Variants in CACNA1B observed in about 807,000 individuals in gnomAD.
CACNA1B encodes calcium voltage-gated channel subunit alpha1 B, also known as voltage-dependent N-type calcium channel subunit alpha-1B.
A neutral mutation model predicts 247.2 loss-of-function variants in CACNA1B; 70 were observed. That is an observed-to-expected ratio of 0.28 (90% CI 0.23 to 0.35). The LOEUF (loss-of-function observed/expected upper bound fraction) is 0.35, where lower values mean the gene tolerates loss of function less well. Among genes scored for constraint, CACNA1B ranks in the 10% least tolerant of loss-of-function variants. The pLI is 1.00. For synonymous variants in CACNA1B, 1,231 were observed against 1,294.4 expected (o/e 0.95, Z 1.05); for missense variants, 2,367 against 3,197.4 (o/e 0.74, Z 6.26).
At chr9:138,017,000 C>G (rs917983507) in intron 18 of CACNA1B, 1 of 414,916 alleles carries the variant, frequency 2.4e-6, no homozygotes, top group Non-Finnish European at 5.0e-6. Flanking sequence ...GCCCGTCTGA[C>G]GGACGCGTCT....
Position 137,882,872 on chromosome 9 carries a change from C to T in CACNA1B, c.519C>T (p.Val173=), listed in dbSNP as rs201010988. 20 of 1,613,656 alleles carry T rather than the reference C, an allele frequency of 1.2e-5. No homozygotes were observed. The highest frequency in any genetic ancestry group is 1.6e-4 in the Middle Eastern group (1 of 6,082). The change falls in exon 3 of 47, where the codon GTC becomes GTT. Residue 173 remains valine (V), a synonymous_variant. Transcript: ENST00000371372. This position sits in a 1 kb window ranked among gnomAD's most constrained non-coding sequence, Gnocchi z 4.0. ...RNGWNVMDFV[V]VLTGILATAG... is the part of the protein sequence containing the mutation. ...GCTGGAACGTCATGGACTTCGTGGT[C>T]GTCCTCACAGGGTAGGCAAGCTGAG... is the stretch of plus-strand genomic sequence containing the variant.
chr9:137,951,254 CAG>C lies in CACNA1B; in HGVS notation c.967-1019_967-1018del, dbSNP rs147669074. Among the ~76,000 whole-genome samples, 1,115 of 152,368 alleles carry C rather than the reference CAG, an allele frequency of 7.3e-3. 6 individuals carry two copies. Among genetic ancestry groups the C allele is most frequent in the Non-Finnish European group, 0.013 (891 of 68,028 alleles). Reference sequence around the variant, plus strand: ...CTTCTGGTTTCGGATCCAGGAATCTCAGGGGCCAGCCTGGAATCAGTGTCCAA... The same window carrying C: ...CTTCTGGTTTCGGATCCAGGAATCTCGGGCCAGCCTGGAATCAGTGTCCAA... On this transcript the variant is annotated intron_variant, in intron 6 of 46. Coordinates refer to ENST00000371372, the MANE Select transcript of CACNA1B (RefSeq NM_000718.4).
intron 36 of CACNA1B, among the ~76,000 whole-genome samples, chr9:138,088,959 C>CAATAA (rs1960790927): frequency 1.6e-5 from 1 of 61,396 alleles, no homozygotes; most frequent in Non-Finnish European, 3.4e-5. Context: ...AACTCCGTCT[C>CAATAA]AAAAAAAAAA....
intron 10 of CACNA1B, among the ~76,000 whole-genome samples, chr9:137,960,233 C>T (rs1386214077): frequency 1.7e-5 from 2 of 120,022 alleles, no homozygotes; most frequent in Non-Finnish European, 1.7e-5. Context: ...GGAGGGAAGC[C>T]GGGAGAGGGG....
intron 36 of CACNA1B, among the ~76,000 whole-genome samples, chr9:138,086,653 A>G (rs1223334123): frequency 6.6e-6 from 1 of 151,472 alleles, no homozygotes; most frequent in Non-Finnish European, 1.5e-5. Flanking sequence ...GCACCCAGAC[A>G]TACAAAACAA....
chr9:137,927,451 G>A (rs914502468), intron 6 of CACNA1B, among the ~76,000 whole-genome samples: 23 of 152,056 alleles, frequency 1.5e-4, no homozygotes, highest in South Asian at 2.1e-4. Context: ...TTGAACTCCC[G>A]ACCTCAGGTG....
rs906154185 is a variant in CACNA1B at position 138,072,931 on chromosome 9, G to T, written c.4675-557G>T. On this transcript the variant is annotated intron_variant, in intron 32 of 46. Coordinates refer to ENST00000371372, the MANE Select transcript of CACNA1B (RefSeq NM_000718.4). The surrounding 1 kb of genome is among the most constrained non-coding windows in gnomAD (Gnocchi z 4.5). ...TACCTTCCATAACTTGTCTGCACAC[G>T]CCTGGAGCAGCCTCAGAGGAAGTGT... is the stretch of plus-strand genomic sequence containing the variant. Among the ~76,000 whole-genome samples, 1 of 152,242 alleles carries T rather than the reference G, an allele frequency of 6.6e-6. No homozygotes were observed. Among genetic ancestry groups the T allele is most frequent in the Non-Finnish European group, 1.5e-5 (1 of 68,042 alleles).
chr9:138,061,877 G>A (rs1183245991), intron 31 of CACNA1B, among the ~76,000 whole-genome samples: 2 of 152,212 alleles, frequency 1.3e-5, no homozygotes, highest in Admixed American at 6.5e-5. Context: ...GTTCATTCCC[G>A]GTAGATAATC....
chr9:137,984,871 T>C (rs1292441462), intron 13 of CACNA1B, among the ~76,000 whole-genome samples: 1 of 152,224 alleles, frequency 6.6e-6, no homozygotes, highest in Non-Finnish European at 1.5e-5. Flanking sequence ...AAGTGACAGA[T>C]GCAGGTAGTG....
At position 137,957,645 on chromosome 9, in the gene CACNA1B, G is replaced by A. The variant is rs377394694; in HGVS notation, c.1291G>A (p.Ala431Thr). The A allele has an allele frequency of 5.0e-6, 8 of 1,603,450 alleles. No individual in the cohort carries two copies. Among genetic ancestry groups the A allele is most frequent in the East Asian group, 4.5e-5 (2 of 44,494 alleles). ...GAAGAGCAGAAATGACCTGATCCAC[G>A]CAGAGGAGGGAGAGGACCGGTTTGC... ...TKKSRNDLIHAEEGEDRFADL... is the reference protein window; with the variant it reads ...TKKSRNDLIHTEEGEDRFADL... Residue 431 changes from alanine (A) to threonine (T), a missense_variant, in exon 10 of 47, where the codon GCA becomes ACA. Ala to Thr is a moderately conservative substitution (Grantham distance 58). Coordinates refer to ENST00000371372, the MANE Select transcript of CACNA1B (RefSeq NM_000718.4). The surrounding 1 kb of genome is among the most constrained non-coding windows in gnomAD (Gnocchi z 4.7).
intron 15 of CACNA1B, among the ~76,000 whole-genome samples, chr9:137,993,222 A>G (rs942413029): frequency 6.6e-6 from 1 of 152,184 alleles, no homozygotes; most frequent in African/African-American, 2.4e-5. Context: ...AAAAAAAATT[A>G]CAAAAGATAA....
chr9:138,123,405 G>T lies in CACNA1B; in HGVS notation c.*1406G>T, dbSNP rs539063599. ...AGACCATGCTCAGGACACTGTCCAAGGTGCACAAGATGCTGGGAGGTCCCT... is the reference window on the plus strand; with the variant it reads ...AGACCATGCTCAGGACACTGTCCAATGTGCACAAGATGCTGGGAGGTCCCT... On this transcript the variant is annotated 3_prime_UTR_variant, in exon 47 of 47. Transcript: ENST00000371372. The T allele has an allele frequency of 3.9e-5, 6 of 152,508 alleles. No homozygotes were observed. The highest frequency in any genetic ancestry group is 1.4e-4 in the African/African-American group (6 of 41,608). 9.4% of individuals were successfully genotyped at this position (152,508 alleles called of 1,614,324 possible).
chr9:138,017,006 C>T, intron 18 of CACNA1B: 4 of 426,882 alleles, frequency 9.4e-6, no homozygotes, highest in South Asian at 4.9e-5. Flanking sequence ...CTGACGGACG[C>T]GTCTGCGGCC....
chr9:138,075,280 C>T (rs528273389), intron 34 of CACNA1B, among the ~76,000 whole-genome samples: 3 of 152,280 alleles, frequency 2.0e-5, no homozygotes, highest in African/African-American at 4.8e-5. Flanking sequence ...AGAGCACATA[C>T]GTTACTGATC....
At chr9:137,884,234 C>T (rs1444244788) in intron 3 of CACNA1B, among the ~76,000 whole-genome samples, 6 of 152,174 alleles carry the variant, frequency 3.9e-5, no homozygotes, top group African/African-American at 1.4e-4. Flanking sequence ...ACAGAAGGCT[C>T]AGCCCCCAGA....
chr9:137,955,209 C>A lies in CACNA1B; in HGVS notation c.1071-489C>A, dbSNP rs917407192. Among the ~76,000 whole-genome samples, 11 of 152,174 alleles carry A rather than the reference C, an allele frequency of 7.2e-5. No individual in the cohort carries two copies. The highest frequency in any genetic ancestry group is 6.5e-4 in the Admixed American group (10 of 15,282). On this transcript the variant is annotated intron_variant, in intron 7 of 46. Transcript: ENST00000371372. The surrounding 1 kb of genome is among the most constrained non-coding windows in gnomAD (Gnocchi z 6.9). ...TCCCTTCTTCCCTGTCCCTGTCTGT[C>A]CCTCCCACTTCCCACAGAGGCTTTG... is the stretch of plus-strand genomic sequence containing the variant.
chr9:138,097,564 G>T (rs977070348), intron 37 of CACNA1B, among the ~76,000 whole-genome samples: 1 of 152,210 alleles, frequency 6.6e-6, no homozygotes, highest in African/African-American at 2.4e-5. Context: ...CACTCACAGC[G>T]TGTGCCCGGG....
At chr9:138,112,716 G>A (rs1429222670) in intron 40 of CACNA1B, among the ~76,000 whole-genome samples, 1 of 152,346 alleles carries the variant, frequency 6.6e-6, no homozygotes, top group South Asian at 2.1e-4. Flanking sequence ...GTTGTGTTGA[G>A]CTCCTGGTGT....
chr9:137,970,584 G>A (rs1222430535), intron 10 of CACNA1B, among the ~76,000 whole-genome samples: 3 of 152,184 alleles, frequency 2.0e-5, no homozygotes, highest in Non-Finnish European at 4.4e-5. Context: ...GGCCACTGTC[G>A]GAGGTGAGCC....
Sources: gnomAD v4.1 joint callset for allele counts (sites outside exome capture counted in the v4.1 genomes callset) on GRCh38, gnomAD v4.1.1 for gene constraint, Gnocchi (gnomAD v3.1) non-coding constraint, MANE v1.5 for transcripts, NCBI Gene and HGNC (gene_info 2026-07-23, HGNC 2026-07-21) for gene names.